The following TTC7B variants were observed in gnomAD, a reference collection of about 807,000 sequenced individuals.
TTC7B encodes the protein tetratricopeptide repeat domain 7B.
In TTC7B, 28 loss-of-function variants were observed where a neutral mutation model predicts 106.8. The observed-to-expected ratio is 0.26, with a 90% confidence interval of 0.19 to 0.36. TTC7B has a LOEUF of 0.36. Among genes scored for constraint, TTC7B ranks in the 10% least tolerant of loss-of-function variants. The pLI is 1.00. For synonymous variants in TTC7B, 405 were observed against 430.6 expected, an observed-to-expected ratio of 0.94 and a Z score of 0.74; for missense variants, 862 against 1,076.4, an observed-to-expected ratio of 0.80 and a Z score of 2.79.
intron 3 of TTC7B, among the ~76,000 whole-genome samples, chr14:90,755,052 T>G (rs1890245926): frequency 6.6e-6 from 1 of 152,248 alleles, no homozygotes; most frequent in African/African-American, 2.4e-5. Context: ...CCTTCCTTTC[T>G]ATTGCCGAAT....
intron 4 of TTC7B, among the ~76,000 whole-genome samples, chr14:90,735,165 G>A (rs1889470838): frequency 6.6e-6 from 1 of 152,176 alleles, no homozygotes; most frequent in Non-Finnish European, 1.5e-5. Context: ...GATTGTGCAA[G>A]TGAATTAAAA....
intron 9 of TTC7B, among the ~76,000 whole-genome samples, chr14:90,660,417 A>AAAAAAGAAAAG (rs1555386791): frequency 3.3e-5 from 4 of 119,500 alleles, no homozygotes; most frequent in African/African-American, 1.5e-4. Flanking sequence ...AAAAAAAAAA[A>AAAAAAGAAAAG]AAAAGAAAAG....
Position 90,542,185 on chromosome 14 carries a change from C to T in TTC7B, c.2311-596G>A, listed in dbSNP as rs535594718. ...CGATCTCCTGACCTCGTGATCTGCC[C>T]ACCTCGGCCTCCCAAAGTGCTGGGA... On this transcript the variant is annotated intron_variant, in intron 19 of 19. Transcript: ENST00000328459. Among the ~76,000 whole-genome samples the T allele has an allele frequency of 2.6e-4, 39 of 152,236 alleles. No homozygotes were observed. The East Asian group carries it at 6.2e-3, about 24-fold the overall frequency.
intron 1 of TTC7B, among the ~76,000 whole-genome samples, chr14:90,804,707 C>T (rs1018505277): frequency 5.9e-5 from 9 of 152,216 alleles, no homozygotes; most frequent in Non-Finnish European, 7.3e-5. Flanking sequence ...GCATTTACTG[C>T]GGGTCCCAGG....
At chr14:90,554,255 C>A (rs1296652404) in intron 19 of TTC7B, among the ~76,000 whole-genome samples, 1 of 152,262 alleles carries the variant, frequency 6.6e-6, no homozygotes, top group East Asian at 1.9e-4. Flanking sequence ...CCCCCACCCA[C>A]TCTGCGGCAG....
intron 5 of TTC7B, among the ~76,000 whole-genome samples, chr14:90,696,516 C>A (rs1396444536): frequency 6.6e-6 from 1 of 152,182 alleles, no homozygotes; most frequent in African/African-American, 2.4e-5. Context: ...CAGGCCGTGG[C>A]AGATGCTCTA....
At chr14:90,744,029 A>T (rs1054651173) in intron 4 of TTC7B, among the ~76,000 whole-genome samples, 3 of 152,160 alleles carry the variant, frequency 2.0e-5, no homozygotes, top group African/African-American at 7.2e-5. Flanking sequence ...ACCATCCCTG[A>T]TGGTCTCCGG....
chr14:90,607,230 C>A (rs541994275), intron 17 of TTC7B, among the ~76,000 whole-genome samples: 1 of 152,164 alleles, frequency 6.6e-6, no homozygotes, highest in South Asian at 2.1e-4. Flanking sequence ...AGAGGACTTG[C>A]GGCCTCACAA....
chr14:90,590,400 A>G (rs563511503), intron 18 of TTC7B, among the ~76,000 whole-genome samples: 3 of 152,142 alleles, frequency 2.0e-5, no homozygotes, highest in African/African-American at 7.2e-5. Flanking sequence ...GTCCACCTCC[A>G]CTGTGGGCTC....
At chr14:90,561,140 G>T (rs1890561584) in intron 19 of TTC7B, among the ~76,000 whole-genome samples, 1 of 152,236 alleles carries the variant, frequency 6.6e-6, no homozygotes, top group Non-Finnish European at 1.5e-5. Context: ...GAGAGAACCT[G>T]CAGGGACACT....
At chr14:90,638,707 T>C (rs1200600545) in intron 15 of TTC7B, among the ~76,000 whole-genome samples, 1 of 152,214 alleles carries the variant, frequency 6.6e-6, no homozygotes, top group Non-Finnish European at 1.5e-5. Flanking sequence ...CTCCAGAAGT[T>C]TTCTGTGGAA....
intron 5 of TTC7B, among the ~76,000 whole-genome samples, chr14:90,704,296 T>C (rs1888118224): frequency 1.3e-5 from 2 of 152,244 alleles, no homozygotes; most frequent in African/African-American, 2.4e-5. Flanking sequence ...TTTGGTTTAA[T>C]AGAAAACAGT....
intron 17 of TTC7B, among the ~76,000 whole-genome samples, chr14:90,598,267 A>G (rs1285030274): frequency 1.3e-5 from 2 of 152,190 alleles, no homozygotes; most frequent in African/African-American, 2.4e-5. Flanking sequence ...AAACGGCCCG[A>G]ATGGTGCAAG....
intron 5 of TTC7B, among the ~76,000 whole-genome samples, chr14:90,710,628 C>T (rs1460929430): frequency 6.6e-6 from 1 of 152,150 alleles, no homozygotes; most frequent in East Asian, 1.9e-4. Flanking sequence ...GCCACAGCCA[C>T]CCCAAACTTC....
intron 5 of TTC7B, among the ~76,000 whole-genome samples, chr14:90,727,190 C>T (rs1889137793): frequency 6.6e-6 from 1 of 152,166 alleles, no homozygotes; most frequent in African/African-American, 2.4e-5. Context: ...ATCACCCAAC[C>T]AACAGAGGCT....
rs147464392 is a variant in TTC7B at position 90,794,056 on chromosome 14, C to T, written c.122-7728G>A. Among the ~76,000 whole-genome samples the T allele has an allele frequency of 1.4e-3, 218 of 151,310 alleles. 3 individuals are homozygous for T. Among genetic ancestry groups the T allele is most frequent in the African/African-American group, 5.0e-3 (204 of 41,106 alleles). ...TAGCTGGGATTACAGGCACGCGCCACCATACCTGGCTAGTTTTTGTATTTT... is the reference window on the plus strand; with the variant it reads ...TAGCTGGGATTACAGGCACGCGCCATCATACCTGGCTAGTTTTTGTATTTT... On this transcript the variant is annotated intron_variant, in intron 1 of 19. Coordinates refer to ENST00000328459, the MANE Select transcript of TTC7B (RefSeq NM_001010854.2).
chr14:90,575,002 C>G lies in TTC7B; in HGVS notation c.2310+3104G>C, dbSNP rs1463594843. On this transcript the variant is annotated intron_variant, in intron 19 of 19. Transcript: ENST00000328459. This position sits in a 1 kb window ranked among gnomAD's most constrained non-coding sequence, Gnocchi z 5.2. Reference sequence around the variant, plus strand: ...ACCTTCTGACCCTGGCCTCCCTGGCCTCCCCCTCGCCGCTCTCCCTGTGTG... The same window carrying G: ...ACCTTCTGACCCTGGCCTCCCTGGCGTCCCCCTCGCCGCTCTCCCTGTGTG... Among the ~76,000 whole-genome samples the G allele has an allele frequency of 6.6e-6, 1 of 151,286 alleles. No homozygotes were observed. Among genetic ancestry groups the G allele is most frequent in the Non-Finnish European group, 1.5e-5 (1 of 67,536 alleles).
At chr14:90,718,313 C>T (rs986591917) in intron 5 of TTC7B, among the ~76,000 whole-genome samples, 2 of 152,222 alleles carry the variant, frequency 1.3e-5, no homozygotes, top group African/African-American at 2.4e-5. Context: ...GACCAAACTT[C>T]CACTGGGCTA....
At chr14:90,751,621 T>C (rs940295042) in intron 3 of TTC7B, among the ~76,000 whole-genome samples, 5 of 151,970 alleles carry the variant, frequency 3.3e-5, no homozygotes, top group African/African-American at 7.2e-5. Context: ...GTAGAGACAG[T>C]GTCTCACTGT....
Sources: gnomAD v4.1 joint callset for allele counts (sites outside exome capture counted in the v4.1 genomes callset) on GRCh38, gnomAD v4.1.1 for gene constraint, Gnocchi (gnomAD v3.1) non-coding constraint, MANE v1.5 for transcripts, NCBI Gene and HGNC (gene_info 2026-07-23, HGNC 2026-07-21) for gene names.